ROBO2: variants seen among roughly 807,000 people sequenced by gnomAD.
The protein encoded by ROBO2 is roundabout guidance receptor 2.
ROBO2 carries 53 observed loss-of-function variants against 160.8 expected under a neutral mutation model. The ratio of observed to expected loss-of-function variants is 0.33; its 90% CI spans 0.26 to 0.41. The LOEUF (loss-of-function observed/expected upper bound fraction) is 0.41. ROBO2 is among the 10% of genes least tolerant of loss of function. The pLI, the probability that ROBO2 is intolerant of heterozygous loss-of-function variation, is 1.00. For synonymous variants in ROBO2, 664 were observed against 611.7 expected, an observed-to-expected ratio of 1.09 and a Z score of -1.26; for missense variants, 1,577 against 1,722.4, an observed-to-expected ratio of 0.92 and a Z score of 1.49.
At chr3:76,105,436 A>G (rs147095168) in intron 2 of ROBO2, among the ~76,000 whole-genome samples, 2 of 152,150 alleles carry the variant, frequency 1.3e-5, no homozygotes, top group African/African-American at 2.4e-5. Flanking sequence ...GGCTTGTAGC[A>G]TATTATTCTC....
intron 2 of ROBO2, among the ~76,000 whole-genome samples, chr3:76,350,036 T>C (rs1245715318): frequency 6.6e-6 from 1 of 152,020 alleles, no homozygotes; most frequent in Non-Finnish European, 1.5e-5. Flanking sequence ...AAAAGATAGT[T>C]TGAAACAAAT....
intron 1 of ROBO2, among the ~76,000 whole-genome samples, chr3:77,064,943 G>T (rs2066693528): frequency 6.6e-6 from 1 of 152,046 alleles, no homozygotes; most frequent in Admixed American, 6.6e-5. Flanking sequence ...ATTCTCAGCT[G>T]AAAGCAAAAA....
chr3:77,171,768 G>T (rs78338353), intron 2 of ROBO2, among the ~76,000 whole-genome samples: 2,378 of 152,276 alleles, frequency 0.016, 78 homozygotes, highest in African/African-American at 0.054. Flanking sequence ...TTTCTATAAA[G>T]ATTCTTCTGT....
intron 1 of ROBO2, among the ~76,000 whole-genome samples, chr3:77,088,985 C>T (rs1274427608): frequency 4.6e-5 from 7 of 152,082 alleles, no homozygotes; most frequent in Non-Finnish European, 1.0e-4. Flanking sequence ...GATCATGCTA[C>T]AGAACAATGA....
At chr3:77,631,823 G>A (rs1384558980) in intron 23 of ROBO2, 1 of 151,954 alleles carries the variant, frequency 6.6e-6, no homozygotes, top group Non-Finnish European at 1.5e-5. Context: ...GAGAAAACTG[G>A]AGTTCTTAAA....
At chr3:76,501,411 G>A (rs553494511) in intron 2 of ROBO2, among the ~76,000 whole-genome samples, 104 of 152,274 alleles carry the variant, frequency 6.8e-4, no homozygotes, top group Non-Finnish European at 1.3e-3. Context: ...AGAGGAATCC[G>A]AGTCAGAAAT....
rs529938282 is a variant in ROBO2, at chr3:76,891,550, G to A, written c.110-206464G>A. Among the ~76,000 whole-genome samples, 5 of 152,232 alleles carry A rather than the reference G, an allele frequency of 3.3e-5. No individual in the cohort carries two copies. The East Asian group carries it at 9.7e-4, about 30-fold the overall frequency. The stretch of plus-strand genomic sequence containing the variant: ...ACAGGTGTGGTGTTGGAGGGAAAGA[G>A]TGTTCAAGCAAGCTCCAGTTGATGG... On this transcript the variant is annotated intron_variant, in intron 2 of 26. Coordinates refer to the ROBO2 transcript ENST00000487694.
intron 2 of ROBO2, among the ~76,000 whole-genome samples, chr3:76,257,166 C>T (rs529933969): frequency 1.9e-4 from 29 of 152,250 alleles, no homozygotes; most frequent in African/African-American, 7.0e-4. Flanking sequence ...GGGATTACAA[C>T]TCAACATGAG....
In ROBO2 at chr3:76,965,785, GTATATA is replaced by G. The variant is rs62885160; in HGVS notation, c.110-132209_110-132204del. On this transcript the variant is annotated intron_variant, in intron 2 of 26. Transcript: ENST00000487694. ...CTATACCATTATTTATTGTGTTTGT[GTATATA>G]TATATATATATATATATATTTCTTT... Among the ~76,000 whole-genome samples, 633 of 129,204 alleles carry G rather than the reference GTATATA, an allele frequency of 4.9e-3. 4 individuals are homozygous for G. Among genetic ancestry groups the G allele is most frequent in the Non-Finnish European group, 6.1e-3 (382 of 63,140 alleles). The allele number at this position is 129,204 out of a possible 152,430, so 84.8% of individuals were successfully genotyped here.
intron 2 of ROBO2, among the ~76,000 whole-genome samples, chr3:77,464,427 G>A (rs1474546628): frequency 3.9e-5 from 6 of 152,134 alleles, no homozygotes; most frequent in Non-Finnish European, 7.3e-5. Context: ...AGAAAAGAGC[G>A]TGTTACATTT....
chr3:77,221,524 T>A (rs995826445), intron 2 of ROBO2, among the ~76,000 whole-genome samples: 3 of 152,134 alleles, frequency 2.0e-5, no homozygotes, highest in African/African-American at 7.2e-5. Flanking sequence ...CCCACAAATA[T>A]TTGTTGTCCG....
intron 2 of ROBO2, among the ~76,000 whole-genome samples, chr3:76,863,767 T>G (rs995888114): frequency 6.6e-6 from 1 of 152,078 alleles, no homozygotes; most frequent in African/African-American, 2.4e-5. Context: ...ATTATGAGAA[T>G]GTGTGACTAT....
intron 2 of ROBO2, among the ~76,000 whole-genome samples, chr3:76,115,361 A>G (rs1404725099): frequency 6.6e-6 from 1 of 152,108 alleles, no homozygotes; most frequent in African/African-American, 2.4e-5. Flanking sequence ...ATTTTAAATA[A>G]TTTCTAGCAT....
intron 2 of ROBO2, among the ~76,000 whole-genome samples, chr3:76,277,980 G>A (rs1708025443): frequency 6.6e-6 from 1 of 151,348 alleles, no homozygotes; most frequent in South Asian, 2.1e-4. Context: ...CAGTAGCCTG[G>A]TTTTGTGCAG....
intron 2 of ROBO2, among the ~76,000 whole-genome samples, chr3:76,072,906 T>C (rs1033908033): frequency 1.3e-5 from 2 of 152,210 alleles, no homozygotes; most frequent in African/African-American, 4.8e-5. Context: ...TGTTTCCTCA[T>C]TTGTCAAATG....
At chr3:76,813,665 G>C (rs558595838) in intron 2 of ROBO2, among the ~76,000 whole-genome samples, 1 of 152,116 alleles carries the variant, frequency 6.6e-6, no homozygotes, top group East Asian at 1.9e-4. Context: ...ATAAAATAGC[G>C]CAGCATCTAT....
chr3:77,571,454 C>T (rs1232759012), intron 13 of ROBO2, among the ~76,000 whole-genome samples: 2 of 152,030 alleles, frequency 1.3e-5, no homozygotes, highest in Non-Finnish European at 2.9e-5. Context: ...TTATATCAGT[C>T]ACTTGATTGT....
intron 2 of ROBO2, among the ~76,000 whole-genome samples, chr3:76,874,794 A>G (rs748771747): frequency 1.3e-5 from 2 of 152,230 alleles, no homozygotes; most frequent in Non-Finnish European, 2.9e-5. Context: ...AGAGGGTGCC[A>G]GACCCGGACA....
chr3:76,236,620 A>G (rs1437166406), intron 2 of ROBO2, among the ~76,000 whole-genome samples: 1 of 152,174 alleles, frequency 6.6e-6, no homozygotes, highest in Non-Finnish European at 1.5e-5. Flanking sequence ...AATCTTACAA[A>G]TGACAACACT....
Sources: gnomAD v4.1 joint callset for allele counts (sites outside exome capture counted in the v4.1 genomes callset) on GRCh38, gnomAD v4.1.1 for gene constraint, MANE v1.5 for transcripts, NCBI Gene and HGNC (gene_info 2026-07-23, HGNC 2026-07-21) for gene names.